Variants in ST18 observed in about 807,000 individuals in gnomAD.
ST18 encodes the protein suppression of tumorigenicity 18 protein.
Under a neutral mutation model 110.0 loss-of-function variants are expected in ST18, and 50 were observed. The ratio of observed to expected loss-of-function variants is 0.45; its 90% CI spans 0.36 to 0.58. The LOEUF is 0.58. Ranked by LOEUF, ST18 falls within the 20% of genes least tolerant of loss-of-function variation. The pLI is 0.00. For missense variants in ST18, 1,306 were observed against 1,280.1 expected (o/e 1.02, Z -0.31); for synonymous variants, 461 against 452.4 (o/e 1.02, Z -0.24).
intron 3 of ST18, among the ~76,000 whole-genome samples, chr8:52,229,142 TACTCATAGGATTCAG>T (rs1466080285): frequency 2.0e-5 from 3 of 152,190 alleles, no homozygotes; most frequent in African/African-American, 7.2e-5. Context: ...TACAGGAATT[TACTCATAGGATTCAG>T]ACTGCCAGCT....
intron 23 of ST18, among the ~76,000 whole-genome samples, chr8:52,120,493 C>T (rs1304777340): frequency 1.3e-5 from 2 of 152,166 alleles, no homozygotes; most frequent in African/African-American, 4.8e-5. Flanking sequence ...CCTTTCAAGA[C>T]TTTCAAGATC....
At chr8:52,253,826 A>G (rs972868652) in intron 2 of ST18, among the ~76,000 whole-genome samples, 1 of 152,144 alleles carries the variant, frequency 6.6e-6, no homozygotes, top group Admixed American at 6.6e-5. Flanking sequence ...TCTCTCTTGC[A>G]AATTTGCACG....
At chr8:52,204,303 A>C (rs1183783626) in intron 8 of ST18, among the ~76,000 whole-genome samples, 1 of 152,218 alleles carries the variant, frequency 6.6e-6, no homozygotes, top group Admixed American at 6.5e-5. Context: ...GAAAATTAGC[A>C]ATGGTGAGAA....
At chr8:52,242,944 C>T (rs910180697) in intron 2 of ST18, among the ~76,000 whole-genome samples, 2 of 151,432 alleles carry the variant, frequency 1.3e-5, no homozygotes, top group Non-Finnish European at 2.9e-5. Flanking sequence ...TATTATTGGA[C>T]AAAAATGTTT....
chr8:52,162,511 T>C (rs374945766), intron 13 of ST18, among the ~76,000 whole-genome samples: 1 of 152,220 alleles, frequency 6.6e-6, no homozygotes, highest in African/African-American at 2.4e-5. Flanking sequence ...CAGAATGTTT[T>C]TGCTGATTTA....
intron 4 of ST18, 124 bp downstream of exon 4, chr8:52,221,516 G>C (rs2136383266): frequency 6.6e-6 from 1 of 152,222 alleles, no homozygotes. Flanking sequence ...AGAAAACTTT[G>C]AAATTCAGTG....
chr8:52,401,554 GT>G (rs1842815698), intron 2 of ST18, among the ~76,000 whole-genome samples: 1 of 151,468 alleles, frequency 6.6e-6, no homozygotes, highest in South Asian at 2.1e-4. Flanking sequence ...TTCTTTTCAA[GT>G]TCAGAGATTC....
At chr8:52,255,109 C>A (rs2094482689) in intron 2 of ST18, among the ~76,000 whole-genome samples, 1 of 152,116 alleles carries the variant, frequency 6.6e-6, no homozygotes, top group African/African-American at 2.4e-5. Flanking sequence ...CAAAGGCAAC[C>A]ACACTTCTGG....
intron 2 of ST18, among the ~76,000 whole-genome samples, chr8:52,292,530 G>A (rs890684460): frequency 1.4e-4 from 22 of 152,190 alleles, no homozygotes; most frequent in African/African-American, 5.3e-4. Flanking sequence ...CCTCAGGTGT[G>A]TGCCTATCGA....
At chr8:52,162,649 T>C (rs1320642043) in intron 13 of ST18, among the ~76,000 whole-genome samples, 1 of 152,208 alleles carries the variant, frequency 6.6e-6, no homozygotes, top group African/African-American at 2.4e-5. Flanking sequence ...AAGCTAAATG[T>C]GAATTATATA....
intron 2 of ST18, among the ~76,000 whole-genome samples, chr8:52,296,797 G>C (rs891846173): frequency 1.3e-5 from 2 of 152,026 alleles, no homozygotes; most frequent in Non-Finnish European, 2.9e-5. Context: ...CACAGTGCCT[G>C]GTGCTACAGA....
At chr8:52,127,983 T>G (rs1373927759) in intron 22 of ST18, among the ~76,000 whole-genome samples, 1 of 151,876 alleles carries the variant, frequency 6.6e-6, no homozygotes, top group Non-Finnish European at 1.5e-5. Context: ...GGATTTTTTT[T>G]TTTTGAGGCG....
intron 2 of ST18, among the ~76,000 whole-genome samples, chr8:52,338,800 C>A (rs978495377): frequency 6.6e-6 from 1 of 151,784 alleles, no homozygotes; most frequent in Non-Finnish European, 1.5e-5. Context: ...GTGCAGTGCC[C>A]AATCACAGCC....
intron 2 of ST18, among the ~76,000 whole-genome samples, chr8:52,303,645 G>T (rs1481728274): frequency 6.6e-6 from 1 of 152,208 alleles, no homozygotes; most frequent in African/African-American, 2.4e-5. Context: ...CATCACTTCT[G>T]TGATGTTCCT....
In ST18 at chr8:52,289,973, T is replaced by C. The variant is rs141735371; in HGVS notation, c.-464-59896A>G. Among the ~76,000 whole-genome samples the C allele has an allele frequency of 2.0e-5, 3 of 152,150 alleles. No homozygotes were observed. In the East Asian group the frequency reaches 5.8e-4, roughly 29 times the overall value. ...TGATGGTTCAGAGAAGTAAAGTGAC[T>C]GGCCTGAGATCATGGAGTCAGTTAA... On this transcript the variant is annotated intron_variant, in intron 2 of 25. Coordinates refer to ENST00000689386, the MANE Select transcript of ST18 (RefSeq NM_001352837.2).
chr8:52,251,468 T>C lies in ST18; in HGVS notation c.-464-21391A>G, dbSNP rs2094303893. Among the ~76,000 whole-genome samples, 4 of 152,216 alleles carry C rather than the reference T, an allele frequency of 2.6e-5. 1 individual carries two copies. In the South Asian group the frequency reaches 8.3e-4, roughly 32 times the overall value. On this transcript the variant is annotated intron_variant, in intron 2 of 25. Transcript: ENST00000689386. ...TGCATAATTTCTAATGCCTGGAGTT[T>C]CTCAGATTAAAAACTGAGATTTACT...
At chr8:52,300,033 T>C (rs919719589) in intron 2 of ST18, among the ~76,000 whole-genome samples, 1 of 152,224 alleles carries the variant, frequency 6.6e-6, no homozygotes, top group Non-Finnish European at 1.5e-5. Flanking sequence ...TTTGACACTT[T>C]TTGATAAATT....
At chr8:52,182,035 CA>C (rs936560043) in intron 8 of ST18, among the ~76,000 whole-genome samples, 6 of 151,466 alleles carry the variant, frequency 4.0e-5, no homozygotes, top group East Asian at 3.9e-4. Flanking sequence ...GAATTTCCAC[CA>C]AAAAAAATCC....
chr8:52,190,191 A>G (rs7000382), intron 8 of ST18, among the ~76,000 whole-genome samples: 33,854 of 152,136 alleles, frequency 0.22, 7,092 homozygotes, highest in African/African-American at 0.55. Flanking sequence ...ATTAACTTTA[A>G]CCCATGTGTA....
Sources: gnomAD v4.1 joint callset for allele counts (sites outside exome capture counted in the v4.1 genomes callset) on GRCh38, gnomAD v4.1.1 for gene constraint, MANE v1.5 for transcripts, NCBI Gene and HGNC (gene_info 2026-07-23, HGNC 2026-07-21) for gene names.